The following MYH14 variants were observed in gnomAD, a reference collection of about 807,000 sequenced individuals.
MYH14 encodes the protein myosin-14.
In MYH14, 123 loss-of-function variants were observed where a neutral mutation model predicts 255.5. The ratio of observed to expected loss-of-function variants is 0.48; its 90% CI spans 0.42 to 0.56. The LOEUF is 0.56. Among genes scored for constraint, MYH14 ranks in the 20% least tolerant of loss-of-function variants. The pLI is 0.00. For missense variants in MYH14, 2,423 were observed against 2,802.3 expected, an observed-to-expected ratio of 0.86 and a Z score of 3.06; for synonymous variants, 1,095 against 1,161.2, an observed-to-expected ratio of 0.94 and a Z score of 1.16.
At chr19:50,214,549 C>A (rs368814481) in intron 2 of MYH14, among the ~76,000 whole-genome samples, 1 of 152,280 alleles carries the variant, frequency 6.6e-6, no homozygotes, top group African/African-American at 2.4e-5. Flanking sequence ...ATTTCACACT[C>A]AGAACACTTC....
At chr19:50,283,916 T>C (rs982666898) in intron 33 of MYH14, among the ~76,000 whole-genome samples, 2 of 151,938 alleles carry the variant, frequency 1.3e-5, no homozygotes, top group African/African-American at 4.8e-5. Flanking sequence ...CTACTAAAAA[T>C]ACAAAATTAG....
Position 50,289,614 on chromosome 19 carries a change from CTGG to C in MYH14, c.4934_4936del (p.Gly1645del). ...CGTGACCTGCAGGGCCGTGATGAGGCTGGTGAAGAGAGGCGGAGGCAGCTGGCC... is the reference window on the plus strand; with the variant it reads ...CGTGACCTGCAGGGCCGTGATGAGGCTGAAGAGAGGCGGAGGCAGCTGGCC... On this transcript the variant is annotated inframe_deletion, in exon 35 of 43. Transcript: ENST00000642316. 1 of 1,612,218 alleles carries C rather than the reference CTGG, an allele frequency of 6.2e-7. No individual in the cohort carries two copies. The highest frequency in any genetic ancestry group is 8.5e-7 in the Non-Finnish European group (1 of 1,179,410).
At chr19:50,235,134 G>A (rs2033599168) in intron 10 of MYH14, among the ~76,000 whole-genome samples, 1 of 152,160 alleles carries the variant, frequency 6.6e-6, no homozygotes, top group Admixed American at 6.6e-5. Flanking sequence ...CAGTTTGGGA[G>A]GCCGACTGAG....
chr19:50,210,918 C>T, intron 2 of MYH14, 148 bp downstream of exon 2: 1 of 1,356,874 alleles, frequency 7.4e-7, no homozygotes, highest in Non-Finnish European at 9.7e-7. Context: ...TACATGGTTG[C>T]CAAATTATGA....
Position 50,280,236 on chromosome 19 carries a change from G to T in MYH14, c.4143G>T (p.Leu1381=). 6.4e-7 allele frequency: 1 copy of T among 1,552,154 alleles called. No individual in the cohort carries two copies. The change falls in exon 32 of 43, where the codon CTG becomes CTT. Residue 1381 remains leucine (L), a synonymous_variant. Coordinates refer to ENST00000642316, the MANE Select transcript of MYH14 (RefSeq NM_001145809.2). The surrounding 1 kb of genome is among the most constrained non-coding windows in gnomAD (Gnocchi z 4.8). ...TEAQLHDAQE[L]LQEETRAKLA... The stretch of plus-strand genomic sequence containing the variant: ...GCCGTCTCCTCCATCTACAGGAGCT[G>T]CTGCAGGAGGAGACCAGGGCGAAAT...
At chr19:50,219,166 C>T (rs1456244914) in intron 3 of MYH14, among the ~76,000 whole-genome samples, 1 of 147,882 alleles carries the variant, frequency 6.8e-6, no homozygotes, top group East Asian at 2.1e-4. Flanking sequence ...ATATGTATCA[C>T]AGTTTATCTA....
At chr19:50,309,502 T>C (rs1164788205) in intron 42 of MYH14, 138 bp from the exon 43 acceptor site, 1 of 664,440 alleles carries the variant, frequency 1.5e-6, no homozygotes, top group Non-Finnish European at 2.7e-6. Flanking sequence ...CTTGATCTCA[T>C]CCCTCTCTTC....
intron 10 of MYH14, among the ~76,000 whole-genome samples, chr19:50,239,036 G>C (rs189876247): frequency 2.6e-5 from 4 of 151,974 alleles, no homozygotes; most frequent in Non-Finnish European, 5.9e-5. Flanking sequence ...TCTCTCTTGC[G>C]CATGATGGAG....
Position 50,280,712 on chromosome 19 carries a change from T to C in MYH14, c.4290+329T>C, listed in dbSNP as rs557573354. ...CCCCTGCACAGCCCCAGAAGCTTCT[T>C]TCTTTACCTGGAGCTGACCCTGTCC... On this transcript the variant is annotated intron_variant, in intron 32 of 42. Transcript: ENST00000642316. The surrounding 1 kb of genome is among the most constrained non-coding windows in gnomAD (Gnocchi z 4.8). 6.6e-6 allele frequency among the ~76,000 whole-genome samples: 1 copy of C among 152,128 alleles called. No individual in the cohort carries two copies. Among genetic ancestry groups the C allele is most frequent in the South Asian group, 2.1e-4 (1 of 4,820 alleles).
intron 15 of MYH14, among the ~76,000 whole-genome samples, chr19:50,251,527 CACA>C (rs2034389521): frequency 4.5e-5 from 1 of 22,274 alleles, no homozygotes; most frequent in African/African-American, 1.3e-4. Flanking sequence ...ACACTACACA[CACA>C]CACACACACA....
chr19:50,227,963 A>G (rs2033189370), intron 8 of MYH14, among the ~76,000 whole-genome samples: 1 of 152,186 alleles, frequency 6.6e-6, no homozygotes, highest in Admixed American at 6.5e-5. Context: ...GCAGGCACTC[A>G]AGAACAAGCT....
intron 10 of MYH14, among the ~76,000 whole-genome samples, chr19:50,241,847 T>A (rs534441594): frequency 3.9e-5 from 6 of 152,178 alleles, no homozygotes; most frequent in Non-Finnish European, 7.3e-5. Flanking sequence ...TTTCACTATG[T>A]TGCCCAAGCT....
At chr19:50,309,311 C>A in intron 42 of MYH14, 134 bp downstream of exon 42, 2 of 911,330 alleles carry the variant, frequency 2.2e-6, no homozygotes, top group Non-Finnish European at 1.8e-6. Context: ...GTGGGAGCAG[C>A]GGCTGTGTTG....
chr19:50,245,794 C>T (rs565999421), intron 11 of MYH14, among the ~76,000 whole-genome samples: 6 of 152,322 alleles, frequency 3.9e-5, no homozygotes, highest in African/African-American at 1.2e-4. Flanking sequence ...GCAGGTGTGC[C>T]GTGCACACAC....
intron 12 of MYH14, among the ~76,000 whole-genome samples, chr19:50,248,518 C>T (rs1002026412): frequency 1.3e-5 from 2 of 152,118 alleles, no homozygotes; most frequent in African/African-American, 4.8e-5. Flanking sequence ...GATGAAGACC[C>T]CGTGGGGGAG....
rs2035169210 is a variant in MYH14, at chr19:50,268,315, AGT to A, written c.2983_2984del (p.Cys995GlnfsTer23). 6.3e-7 allele frequency: 1 copy of A among 1,588,634 alleles called. No homozygotes were observed. The highest frequency in any genetic ancestry group is 8.6e-7 in the Non-Finnish European group (1 of 1,168,836). ...GAGGCTCGCGTGGGCGAGGAGGAGG[AGT>A]GCAGCCGTCAAATGCAAACCGAGAA... is the stretch of plus-strand genomic sequence containing the variant. On this transcript the variant is annotated frameshift_variant, in exon 24 of 43. Transcript: ENST00000642316. LOFTEE classifies it high-confidence loss of function.
At chr19:50,241,448 A>G (rs2123274166) in intron 10 of MYH14, among the ~76,000 whole-genome samples, 1 of 152,164 alleles carries the variant, frequency 6.6e-6, no homozygotes, top group African/African-American at 2.4e-5. Flanking sequence ...GAAAAAAAAA[A>G]GAAAAAGCAT....
rs1200369033 is a variant in MYH14, at chr19:50,226,939, T to A, written c.847T>A (p.Tyr283Asn). 5 of 1,613,572 alleles carry A rather than the reference T, an allele frequency of 3.1e-6. No homozygotes were observed. In the Admixed American group the frequency reaches 8.3e-5, roughly 27 times the overall value. Residue 283 changes from tyrosine (Y) to asparagine (N), a missense_variant, in exon 8 of 43, where the codon TAC (tyrosine) becomes AAC (asparagine). Transcript: ENST00000642316. ...CCGCATCAACTTTGATGTTGCCGGG[T>A]ACATCGTGGGCGCCAACATTGAGAC... ...FIRINFDVAG[Y>N]IVGANIETYL... is the part of the protein sequence containing the mutation.
In MYH14 at chr19:50,244,295, A is replaced by G. The variant is rs756491343; in HGVS notation, c.1168A>G (p.Arg390Gly). The change falls in exon 11 of 43, where the codon AGA (arginine) becomes GGA (glycine). Residue 390 changes from arginine (R) to glycine (G), a missense_variant. By Grantham distance (125) the Arg-to-Gly change is moderately radical (BLOSUM62 -2). Coordinates refer to ENST00000642316, the MANE Select transcript of MYH14 (RefSeq NM_001145809.2). Reference sequence around the variant, plus strand: ...CCAGTTTGGCAACATTGCCTTGAAGAGAGAACGGAACACCGATCAAGCCAC... The same window carrying G: ...CCAGTTTGGCAACATTGCCTTGAAGGGAGAACGGAACACCGATCAAGCCAC... Reference protein sequence around the residue: ...VLQFGNIALKRERNTDQATMP... With the variant: ...VLQFGNIALKGERNTDQATMP... 6.2e-7 allele frequency: 1 copy of G among 1,613,682 alleles called. No individual in the cohort carries two copies. The highest frequency in any genetic ancestry group is 8.5e-7 in the Non-Finnish European group (1 of 1,179,870).
Sources: allele counts gnomAD v4.1 joint callset (sites outside exome capture counted in the v4.1 genomes callset), GRCh38; gene constraint gnomAD v4.1.1; non-coding constraint Gnocchi (gnomAD v3.1); transcripts MANE v1.5; gene names NCBI Gene and HGNC (gene_info 2026-07-23, HGNC 2026-07-21).